NEMP2: variants seen among roughly 807,000 people sequenced by gnomAD.
NEMP2 encodes the protein UPF0571 transmembrane protein.
A neutral mutation model predicts 54.2 loss-of-function variants in NEMP2; 53 were observed. The ratio of observed to expected loss-of-function variants is 0.98; its 90% CI spans 0.78 to 1.23. The LOEUF (loss-of-function observed/expected upper bound fraction) is 1.23, where lower values mean the gene tolerates loss of function less well. Among genes scored for constraint, NEMP2 ranks in the 50% most tolerant of loss-of-function variants. NEMP2 has a pLI of 0.00. For synonymous variants in NEMP2, 197 were observed against 190.3 expected, an observed-to-expected ratio of 1.04 and a Z score of -0.29; for missense variants, 455 against 511.3, an observed-to-expected ratio of 0.89 and a Z score of 1.06.
At position 190,517,547 on chromosome 2, in the gene NEMP2, C is replaced by G; in HGVS notation, c.585G>C (p.Leu195Phe). The change falls in exon 5 of 9, where the codon TTG (leucine) becomes TTC (phenylalanine). Residue 195 changes from leucine (L) to phenylalanine (F), a missense_variant. By Grantham distance (22) the Leu-to-Phe change is conservative. Transcript: ENST00000409150. ...LGVLMTLVFV[L>F]LLVKRFIPKY... ...TCGGAATGAATCTTTTCACCAACAGCAAGACAAAGACTAATGTCATTAGAA... is the reference window on the plus strand; with the variant it reads ...TCGGAATGAATCTTTTCACCAACAGGAAGACAAAGACTAATGTCATTAGAA... The G allele has an allele frequency of 2.6e-6, 4 of 1,549,850 alleles. No homozygotes were observed. Among genetic ancestry groups the G allele is most frequent in the Non-Finnish European group, 3.5e-6 (4 of 1,146,322 alleles).
At chr2:190,500,357 A>C, downstream of NEMP2, 1 of 832,026 alleles carries the variant, frequency 1.2e-6, no homozygotes, top group Non-Finnish European at 1.9e-6. This position sits in a 1 kb window ranked among gnomAD's most constrained non-coding sequence, Gnocchi z 5.3. Context: ...ACTCATTAAC[A>C]TGGAAACACA....
At chr2:190,596,379 C>G in the NEMP2 span, among the ~76,000 whole-genome samples, 2 of 152,120 alleles carry the variant, frequency 1.3e-5, no homozygotes, top group Non-Finnish European at 2.9e-5. The surrounding 1 kb of genome is among the most constrained non-coding windows in gnomAD (Gnocchi z 5.1). Context: ...GCACATGCAT[C>G]CCAGAACTTA....
chr2:190,502,616 T>C (rs549871567), downstream of NEMP2, among the ~76,000 whole-genome samples: 3 of 152,358 alleles, frequency 2.0e-5, no homozygotes, highest in Non-Finnish European at 2.9e-5. The surrounding 1 kb of genome is among the most constrained non-coding windows in gnomAD (Gnocchi z 4.4). Context: ...TACTGGCTTA[T>C]TAATCCTGCC....
chr2:190,602,224 G>A, the NEMP2 span, among the ~76,000 whole-genome samples: 5 of 152,298 alleles, frequency 3.3e-5, no homozygotes, highest in East Asian at 1.9e-4. Context: ...TCATATGATC[G>A]TGGGGGCAAT....
the NEMP2 span, among the ~76,000 whole-genome samples, chr2:190,470,303 G>A: frequency 6.6e-6 from 1 of 152,042 alleles, no homozygotes; most frequent in Non-Finnish European, 1.5e-5. Context: ...TATAACTAAA[G>A]TTTTATAGCC....
the NEMP2 span, among the ~76,000 whole-genome samples, chr2:190,549,329 G>T: frequency 5.3e-5 from 8 of 152,268 alleles, no homozygotes; most frequent in Admixed American, 2.6e-4. Context: ...TAATTCATTG[G>T]AGGTTGCAAA....
At chr2:190,445,176 G>A in the NEMP2 span, among the ~76,000 whole-genome samples, 3 of 152,168 alleles carry the variant, frequency 2.0e-5, no homozygotes, top group East Asian at 5.8e-4. Flanking sequence ...TGTAAATCTG[G>A]GGATACTTAT....
rs1052378512 is a variant in NEMP2 at position 190,527,506 on chromosome 2, T to C, written c.98-2128A>G. Among the ~76,000 whole-genome samples, 10 of 152,314 alleles carry C rather than the reference T, an allele frequency of 6.6e-5. No homozygotes were observed. The highest frequency in any genetic ancestry group is 3.9e-4 in the Admixed American group (6 of 15,308). On this transcript the variant is annotated intron_variant, in intron 1 of 8. Coordinates refer to ENST00000409150, the MANE Select transcript of NEMP2 (RefSeq NM_001142645.2). This position sits in a 1 kb window ranked among gnomAD's most constrained non-coding sequence, Gnocchi z 4.0. ...TATTCAACTGTGACAGTCAAATCAGTCATCTTTACTCTTCACATTATGATA... is the reference window on the plus strand; with the variant it reads ...TATTCAACTGTGACAGTCAAATCAGCCATCTTTACTCTTCACATTATGATA...
At chr2:190,494,253 C>T in the NEMP2 span, among the ~76,000 whole-genome samples, 1 of 151,782 alleles carries the variant, frequency 6.6e-6, no homozygotes, top group South Asian at 2.1e-4. This position sits in a 1 kb window ranked among gnomAD's most constrained non-coding sequence, Gnocchi z 5.7. Context: ...CTGGAAAACG[C>T]AGAGGAGATA....
chr2:190,462,907 C>A, the NEMP2 span, among the ~76,000 whole-genome samples: 1 of 152,212 alleles, frequency 6.6e-6, no homozygotes, highest in Non-Finnish European at 1.5e-5. This position sits in a 1 kb window ranked among gnomAD's most constrained non-coding sequence, Gnocchi z 5.7. Flanking sequence ...GCCACTCTTA[C>A]CACCATTCTA....
chr2:190,434,738 CTG>C, the NEMP2 span, among the ~76,000 whole-genome samples: 1 of 152,152 alleles, frequency 6.6e-6, no homozygotes, highest in Admixed American at 6.5e-5. The surrounding 1 kb of genome is among the most constrained non-coding windows in gnomAD (Gnocchi z 4.3). Flanking sequence ...GGCCAAAACA[CTG>C]TTTTTCAAAA....
rs1690721751 is a variant in NEMP2, at chr2:190,520,607, T to G, written c.214-1424A>C. 6.6e-6 allele frequency among the ~76,000 whole-genome samples: 1 copy of G among 152,198 alleles called. No individual in the cohort carries two copies. The highest frequency in any genetic ancestry group is 2.4e-5 in the African/African-American group (1 of 41,450). ...TCAATACCACTTCCTGTCATTCTTC[T>G]TAGGTATTTCAGTATGTACAATATA... On this transcript the variant is annotated intron_variant, in intron 2 of 8. Coordinates refer to ENST00000409150, the MANE Select transcript of NEMP2 (RefSeq NM_001142645.2). The surrounding 1 kb of genome is among the most constrained non-coding windows in gnomAD (Gnocchi z 5.4).
chr2:190,541,168 T>TTATA, the NEMP2 span, among the ~76,000 whole-genome samples: 2 of 140,406 alleles, frequency 1.4e-5, no homozygotes, highest in African/African-American at 5.1e-5. This position sits in a 1 kb window ranked among gnomAD's most constrained non-coding sequence, Gnocchi z 5.2. Flanking sequence ...CAATTTCATT[T>TTATA]TATATATATG....
chr2:190,610,517 G>A, the NEMP2 span: 1 of 152,250 alleles, frequency 6.6e-6, no homozygotes, highest in East Asian at 1.9e-4. The surrounding 1 kb of genome is among the most constrained non-coding windows in gnomAD (Gnocchi z 5.4). Context: ...GTTTTCCAAG[G>A]GCTTTATTGG....
intron 1 of NEMP2, among the ~76,000 whole-genome samples, chr2:190,532,416 T>G (rs1038286061): frequency 2.6e-5 from 4 of 152,292 alleles, no homozygotes; most frequent in African/African-American, 9.6e-5. Context: ...AATGGACTGT[T>G]ATAGTTTAAG....
Position 190,514,965 on chromosome 2 carries a change from G to A in NEMP2, c.728-287C>T, listed in dbSNP as rs1232893420. ...CTGGCTGGACTAAAATGTTATCATGGTTACTTTGGTCAGGAAGAAGTCACA... is the reference window on the plus strand; with the variant it reads ...CTGGCTGGACTAAAATGTTATCATGATTACTTTGGTCAGGAAGAAGTCACA... On this transcript the variant is annotated intron_variant, in intron 6 of 8. Coordinates refer to ENST00000409150, the MANE Select transcript of NEMP2 (RefSeq NM_001142645.2). The surrounding 1 kb of genome is among the most constrained non-coding windows in gnomAD (Gnocchi z 5.7). 6.6e-6 allele frequency among the ~76,000 whole-genome samples: 1 copy of A among 152,124 alleles called. No homozygotes were observed. The highest frequency in any genetic ancestry group is 6.5e-5 in the Admixed American group (1 of 15,280).
At chr2:190,605,268 C>T in the NEMP2 span, among the ~76,000 whole-genome samples, 1 of 151,910 alleles carries the variant, frequency 6.6e-6, no homozygotes, top group Non-Finnish European at 1.5e-5. Context: ...CAATCTTGTC[C>T]CACCCTCCCC....
intron 1 of NEMP2, 109 bp downstream of exon 1, chr2:190,534,450 C>T: frequency 8.1e-7 from 1 of 1,238,066 alleles, no homozygotes; most frequent in Non-Finnish European, 1.0e-6. Flanking sequence ...AGCGCCCGCC[C>T]CAGTGGGCCT....
chr2:190,518,700 A>C, intron 4 of NEMP2, 36 bp downstream of exon 4: 1 of 1,451,046 alleles, frequency 6.9e-7, no homozygotes, highest in Non-Finnish European at 9.3e-7. Context: ...ATCCCTTTTC[A>C]TTCACAAAGT....
Sources: gnomAD v4.1 joint callset for allele counts (sites outside exome capture counted in the v4.1 genomes callset) on GRCh38, gnomAD v4.1.1 for gene constraint, Gnocchi (gnomAD v3.1) non-coding constraint, MANE v1.5 for transcripts, NCBI Gene and HGNC (gene_info 2026-07-23, HGNC 2026-07-21) for gene names.